Variants in NTSR1 observed in about 807,000 individuals in gnomAD.
NTSR1 encodes neurotensin receptor 1.
NTSR1 carries 29 observed loss-of-function variants against 31.2 expected under a neutral mutation model. That is an observed-to-expected ratio of 0.93 (90% CI 0.69 to 1.27). The LOEUF (loss-of-function observed/expected upper bound fraction) is 1.27. Ranked by LOEUF, NTSR1 falls within the 50% of genes most tolerant of loss-of-function variation. NTSR1 has a pLI of 0.00. For missense variants in NTSR1, 697 were observed against 595.4 expected (o/e 1.17, Z -1.78); for synonymous variants, 282 against 269.9 (o/e 1.04, Z -0.44).
In NTSR1 at chr20:62,743,879, T is replaced by C. The variant is rs1380927327; in HGVS notation, c.715-10806T>C. Among the ~76,000 whole-genome samples, 2 of 152,130 alleles carry C rather than the reference T, an allele frequency of 1.3e-5. No homozygotes were observed. The highest frequency in any genetic ancestry group is 2.9e-5 in the Non-Finnish European group (2 of 68,006). On this transcript the variant is annotated intron_variant, in intron 1 of 3. Transcript: ENST00000370501. This position sits in a 1 kb window ranked among gnomAD's most constrained non-coding sequence, Gnocchi z 7.5. ...GGAGCCTGTGTCGGGGGCACCCTCC[T>C]GCTGTCTGGCTGTGCCCTCACCTGT... is the stretch of plus-strand genomic sequence containing the variant.
intron 1 of NTSR1, among the ~76,000 whole-genome samples, chr20:62,731,209 C>T (rs1232848764): frequency 2.0e-5 from 3 of 152,156 alleles, no homozygotes; most frequent in East Asian, 3.9e-4. Flanking sequence ...CTCAGCCTCC[C>T]GAGTAGCTGG....
At chr20:62,754,043 T>C (rs528851733) in intron 1 of NTSR1, among the ~76,000 whole-genome samples, 16 of 152,304 alleles carry the variant, frequency 1.1e-4, no homozygotes, top group African/African-American at 3.6e-4. Flanking sequence ...AGGACTCGGA[T>C]CAGGTGCAGG....
Position 62,740,264 on chromosome 20 carries a change from C to T in NTSR1, c.715-14421C>T, listed in dbSNP as rs1315955424. ...CTCAGCAAACCGGATCGAACGGGCT[C>T]ATTCGCAGCCATAGGGTGAGCGGCA... On this transcript the variant is annotated intron_variant, in intron 1 of 3. Transcript: ENST00000370501. 5.2e-5 allele frequency among the ~76,000 whole-genome samples: 8 copies of T among 152,384 alleles called. No homozygotes were observed. In the East Asian group the frequency reaches 1.3e-3, roughly 26 times the overall value.
intron 1 of NTSR1, among the ~76,000 whole-genome samples, chr20:62,728,914 T>C (rs1393339839): frequency 6.6e-6 from 1 of 152,110 alleles, no homozygotes; most frequent in Non-Finnish European, 1.5e-5. Context: ...TAGATTCTTT[T>C]CTGAAGGAAG....
chr20:62,750,604 T>C (rs1305803090), intron 1 of NTSR1, among the ~76,000 whole-genome samples: 2 of 142,512 alleles, frequency 1.4e-5, no homozygotes, highest in Non-Finnish European at 3.0e-5. Context: ...GGCAGGAGAA[T>C]GGCGTGAACC....
rs894057055 is a variant in NTSR1, at chr20:62,741,371, C to A, written c.715-13314C>A. On this transcript the variant is annotated intron_variant, in intron 1 of 3. Transcript: ENST00000370501. This position sits in a 1 kb window ranked among gnomAD's most constrained non-coding sequence, Gnocchi z 4.3. Reference sequence around the variant, plus strand: ...CTCCCACACTCAGGGCTCCCTGCTGCCTGGAAGAGGAGAGGAGGGCAAACC... The same window carrying A: ...CTCCCACACTCAGGGCTCCCTGCTGACTGGAAGAGGAGAGGAGGGCAAACC... Among the ~76,000 whole-genome samples, 1 of 138,846 alleles carries A rather than the reference C, an allele frequency of 7.2e-6. No individual in the cohort carries two copies. Among genetic ancestry groups the A allele is most frequent in the Non-Finnish European group, 1.5e-5 (1 of 67,680 alleles). The allele number at this position is 138,846 out of a possible 152,430, so 91.1% of individuals were successfully genotyped here. A position where few individuals can be genotyped will look rare whatever the true frequency, so the allele number is the denominator to read the frequency against.
intron 1 of NTSR1, among the ~76,000 whole-genome samples, chr20:62,716,587 C>T (rs113956168): frequency 6.6e-6 from 1 of 152,232 alleles, no homozygotes; most frequent in Non-Finnish European, 1.5e-5. Flanking sequence ...GATTTCAGCG[C>T]GTGTTAGTCC....
At chr20:62,726,634 G>A (rs1217237324) in intron 1 of NTSR1, among the ~76,000 whole-genome samples, 4 of 150,408 alleles carry the variant, frequency 2.7e-5, no homozygotes, top group Non-Finnish European at 5.9e-5. Context: ...GGTCAAGGCC[G>A]CAATGAGTCG....
chr20:62,733,940 C>G lies in NTSR1; in HGVS notation c.715-20745C>G, dbSNP rs927608753. 1.3e-5 allele frequency among the ~76,000 whole-genome samples: 2 copies of G among 152,160 alleles called. No individual in the cohort carries two copies. On this transcript the variant is annotated intron_variant, in intron 1 of 3. Coordinates refer to ENST00000370501, the MANE Select transcript of NTSR1 (RefSeq NM_002531.3). This position sits in a 1 kb window ranked among gnomAD's most constrained non-coding sequence, Gnocchi z 5.2. ...ATCTCAATAGAGGATTCGAACAGCC[C>G]CCAGGCAGGGTCGCATTTTAAATGA...
At chr20:62,722,975 C>A (rs1211582855) in intron 1 of NTSR1, among the ~76,000 whole-genome samples, 2 of 152,214 alleles carry the variant, frequency 1.3e-5, no homozygotes, top group African/African-American at 4.8e-5. Flanking sequence ...ATCCAAGAAA[C>A]ATGAGTCTGA....
At chr20:62,730,617 G>A (rs974779583) in intron 1 of NTSR1, among the ~76,000 whole-genome samples, 5 of 152,356 alleles carry the variant, frequency 3.3e-5, no homozygotes, top group Admixed American at 2.0e-4. Flanking sequence ...GGCGATCGTT[G>A]GAACACGTGG....
rs1380026626 is a variant in NTSR1 at position 62,760,180 on chromosome 20, G to C, written c.1170G>C (p.Arg390Ser). The change falls in exon 4 of 4, where the codon AGG becomes AGC. Residue 390 changes from arginine (R) to serine (S), a missense_variant. Physicochemically the swap from Arg to Ser is moderately radical, Grantham distance 110. Coordinates refer to ENST00000370501, the MANE Select transcript of NTSR1 (RefSeq NM_002531.3). Reference protein sequence around the residue: ...ACLCPVWRRRRKRPAFSRKAD... With the variant: ...ACLCPVWRRRSKRPAFSRKAD... Reference sequence around the variant, plus strand: ...TCTGCCCGGTGTGGCGGCGCAGGAGGAAGAGGCCAGCCTTCTCGAGGAAGG... The same window carrying C: ...TCTGCCCGGTGTGGCGGCGCAGGAGCAAGAGGCCAGCCTTCTCGAGGAAGG... 1 of 1,614,058 alleles carries C rather than the reference G, an allele frequency of 6.2e-7. No homozygotes were observed. The highest frequency in any genetic ancestry group is 2.2e-5 in the East Asian group (1 of 44,872).
Position 62,709,650 on chromosome 20 carries a change from G to A in NTSR1, c.443G>A (p.Arg148His), listed in dbSNP as rs1461638329. Residue 148 changes from arginine (R) to histidine (H), a missense_variant, in exon 1 of 4, where the codon CGC becomes CAC. Transcript: ENST00000370501. ...GGCTGCCGCGGCTACTACTTCCTGC[G>A]CGACGCCTGCACCTACGCCACGGCC... ...DAGCRGYYFL[R>H]DACTYATALN... 4.7e-5 allele frequency: 75 copies of A among 1,612,444 alleles called. 1 individual carries two copies. Among genetic ancestry groups the A allele is most frequent in the Middle Eastern group, 1.6e-4 (1 of 6,084 alleles).
chr20:62,760,234 C>T lies in NTSR1; in HGVS notation c.1224C>T (p.Leu408=), dbSNP rs201168089. Residue 408 remains leucine (L), a synonymous_variant, in exon 4 of 4, where the codon CTC becomes CTT. Coordinates refer to ENST00000370501, the MANE Select transcript of NTSR1 (RefSeq NM_002531.3). The part of the protein sequence containing the change: ...KADSVSSNHT[L]SSNATRETLY ...ACAGCGTGTCCAGCAACCACACCCT[C>T]TCCAGCAATGCCACCCGCGAGACGC... is the stretch of plus-strand genomic sequence containing the variant. 1 of 1,613,304 alleles carries T rather than the reference C, an allele frequency of 6.2e-7. No homozygotes were observed. The highest frequency in any genetic ancestry group is 2.2e-5 in the East Asian group (1 of 44,856).
At chr20:62,759,585 T>C (rs1989574101) in intron 3 of NTSR1, among the ~76,000 whole-genome samples, 1 of 151,916 alleles carries the variant, frequency 6.6e-6, no homozygotes, top group Non-Finnish European at 1.5e-5. Flanking sequence ...CCATCCTGGC[T>C]AACACGGTGA....
chr20:62,723,177 C>T (rs984129091), intron 1 of NTSR1, among the ~76,000 whole-genome samples: 2 of 152,190 alleles, frequency 1.3e-5, no homozygotes, highest in African/African-American at 4.8e-5. Flanking sequence ...AATTCAAACA[C>T]GGTTCCTCTC....
rs1041264746 is a variant in NTSR1, at chr20:62,743,400, T to A, written c.715-11285T>A. ...TTCGGGGTCATGAGAACCCTGAGGGTTGCTCCCAAGTCAGTGTTTGCTGGG... is the reference window on the plus strand; with the variant it reads ...TTCGGGGTCATGAGAACCCTGAGGGATGCTCCCAAGTCAGTGTTTGCTGGG... On this transcript the variant is annotated intron_variant, in intron 1 of 3. Coordinates refer to ENST00000370501, the MANE Select transcript of NTSR1 (RefSeq NM_002531.3). The surrounding 1 kb of genome is among the most constrained non-coding windows in gnomAD (Gnocchi z 7.5). 5.1e-5 allele frequency among the ~76,000 whole-genome samples: 7 copies of A among 136,084 alleles called. No individual in the cohort carries two copies. Among genetic ancestry groups the A allele is most frequent in the Non-Finnish European group, 8.9e-5 (6 of 67,556 alleles). The allele number at this position is 136,084 out of a possible 152,430, so 89.3% of individuals were successfully genotyped here.
chr20:62,709,957 CCTT>C, intron 1 of NTSR1, 36 bp downstream of exon 1: 1 of 1,480,990 alleles, frequency 6.8e-7, no homozygotes, highest in East Asian at 2.4e-5. Flanking sequence ...GCTCCCCTCT[CCTT>C]CACCCCAAAA....
At chr20:62,710,730 G>A (rs575300389) in intron 1 of NTSR1, among the ~76,000 whole-genome samples, 2 of 152,306 alleles carry the variant, frequency 1.3e-5, no homozygotes, top group East Asian at 3.9e-4. Flanking sequence ...TGGCACGGGG[G>A]GTTCCAGTGC....
Sources: allele counts gnomAD v4.1 joint callset (sites outside exome capture counted in the v4.1 genomes callset), GRCh38; gene constraint gnomAD v4.1.1; non-coding constraint Gnocchi (gnomAD v3.1); transcripts MANE v1.5; gene names NCBI Gene and HGNC (gene_info 2026-07-23, HGNC 2026-07-21).